The following UNC13C variants were observed in gnomAD, a reference collection of about 807,000 sequenced individuals.
UNC13C encodes unc-13 homolog C.
UNC13C carries 174 observed loss-of-function variants against 245.4 expected under a neutral mutation model. The observed-to-expected ratio is 0.71, with a 90% CI of 0.63 to 0.80. The LOEUF (loss-of-function observed/expected upper bound fraction) is 0.80. Among genes scored for constraint, UNC13C ranks in the 30% least tolerant of loss-of-function variants. The probability of loss-of-function intolerance (pLI) is 0.00; values close to 1 mark genes in which losing one functional copy is unlikely to be tolerated. For synonymous variants in UNC13C, 992 were observed against 895.1 expected (o/e 1.11, Z -1.93); for missense variants, 2,829 against 2,602.9 (o/e 1.09, Z -1.89).
chr15:54,296,391 T>TTTTTTTTTTTTTTTTTTTG (rs529076917), intron 11 of UNC13C, among the ~76,000 whole-genome samples: 24 of 137,892 alleles, frequency 1.7e-4, no homozygotes, highest in African/African-American at 6.5e-4. Flanking sequence ...TTATTTTTTT[T>TTTTTTTTTTTTTTTTTTTG]TATTTTTTAG....
At chr15:54,615,708 A>C (rs1365169031) in intron 30 of UNC13C, among the ~76,000 whole-genome samples, 1 of 151,806 alleles carries the variant, frequency 6.6e-6, no homozygotes, top group Admixed American at 6.6e-5. Flanking sequence ...TGTTTTGTTT[A>C]TTTTTCCCCA....
chr15:54,551,924 C>T (rs1896755850), intron 28 of UNC13C, among the ~76,000 whole-genome samples: 1 of 151,368 alleles, frequency 6.6e-6, no homozygotes, highest in African/African-American at 2.4e-5. Context: ...ATGTCACTCC[C>T]ATTTAAAAAA....
intron 19 of UNC13C, among the ~76,000 whole-genome samples, chr15:54,445,568 G>A (rs1333406135): frequency 1.3e-5 from 2 of 152,168 alleles, no homozygotes; most frequent in Non-Finnish European, 2.9e-5. Context: ...AATTTTTCAT[G>A]TGTCTGTTGG....
chr15:54,129,067 G>A (rs1282341393), intron 2 of UNC13C, among the ~76,000 whole-genome samples: 2 of 152,130 alleles, frequency 1.3e-5, no homozygotes, highest in Admixed American at 6.5e-5. Context: ...CTAATCTACC[G>A]TCTTCTCTCC....
At chr15:53,942,705 C>T in the UNC13C span, among the ~76,000 whole-genome samples, 1 of 152,064 alleles carries the variant, frequency 6.6e-6, no homozygotes. Context: ...ACTCTGTCAC[C>T]CAGGCTGGAG....
the UNC13C span, among the ~76,000 whole-genome samples, chr15:53,885,690 T>A: frequency 6.6e-6 from 1 of 152,166 alleles, no homozygotes; most frequent in African/African-American, 2.4e-5. Flanking sequence ...GAATCGATCA[T>A]GACCCTTATG....
At chr15:54,436,463 C>T (rs891012750) in intron 19 of UNC13C, among the ~76,000 whole-genome samples, 4 of 151,956 alleles carry the variant, frequency 2.6e-5, no homozygotes, top group African/African-American at 9.7e-5. Flanking sequence ...ACATACTACA[C>T]CATAGAATAC....
intron 19 of UNC13C, among the ~76,000 whole-genome samples, chr15:54,467,301 AT>A (rs2141036528): frequency 6.6e-6 from 1 of 151,944 alleles, no homozygotes; most frequent in East Asian, 1.9e-4. Context: ...AATGATGGCT[AT>A]TTAAATCCAA....
At chr15:54,427,833 T>C (rs1395502730) in intron 19 of UNC13C, among the ~76,000 whole-genome samples, 1 of 151,762 alleles carries the variant, frequency 6.6e-6, no homozygotes, top group Non-Finnish European at 1.5e-5. Context: ...TCATGGATTA[T>C]AATGTTGTAA....
At chr15:54,353,142 G>T (rs929457253) in intron 17 of UNC13C, among the ~76,000 whole-genome samples, 3 of 152,088 alleles carry the variant, frequency 2.0e-5, no homozygotes, top group African/African-American at 4.8e-5. Context: ...AAGAATAAGA[G>T]AAATTTCAGT....
chr15:54,555,441 A>G lies in UNC13C; in HGVS notation c.5887A>G (p.Ile1963Val), dbSNP rs1324689402. 1 of 1,612,400 alleles carries G rather than the reference A, an allele frequency of 6.2e-7. No homozygotes were observed. Among genetic ancestry groups the G allele is most frequent in the East Asian group, 2.2e-5 (1 of 44,796 alleles). The change falls in exon 29 of 33, where the codon ATT (isoleucine) becomes GTT (valine). Residue 1963 changes from isoleucine to valine, a missense_variant. Coordinates refer to ENST00000260323, the MANE Select transcript of UNC13C (RefSeq NM_001080534.3). ...GQLSKLKEHM[I>V]REDARGLTPR... Reference sequence around the variant, plus strand: ...TTCACCTGTTTTCCAGGAGCACATGATTCGAGAGGATGCCAGGGGTCTGAC... The same window carrying G: ...TTCACCTGTTTTCCAGGAGCACATGGTTCGAGAGGATGCCAGGGGTCTGAC...
At chr15:54,021,540 G>T (rs556485713) in intron 2 of UNC13C, among the ~76,000 whole-genome samples, 1 of 152,126 alleles carries the variant, frequency 6.6e-6, no homozygotes, top group East Asian at 1.9e-4. Flanking sequence ...TTTAAAGACC[G>T]TGTAGTGTTC....
chr15:54,212,345 A>C (rs1477865322), intron 4 of UNC13C, among the ~76,000 whole-genome samples: 3 of 152,076 alleles, frequency 2.0e-5, no homozygotes, highest in Non-Finnish European at 4.4e-5. Flanking sequence ...CTATTTTCAG[A>C]AACATGCCTG....
At chr15:54,357,811 A>G (rs1167082888) in intron 17 of UNC13C, among the ~76,000 whole-genome samples, 1 of 151,890 alleles carries the variant, frequency 6.6e-6, no homozygotes, top group East Asian at 1.9e-4. Context: ...GACTTACAAA[A>G]CACATTTTTC....
intron 19 of UNC13C, among the ~76,000 whole-genome samples, chr15:54,440,913 A>T (rs1163226500): frequency 6.6e-6 from 1 of 152,064 alleles, no homozygotes; most frequent in African/African-American, 2.4e-5. Context: ...ATGATTAGTG[A>T]TGTCGAGCAT....
chr15:53,957,354 A>T, the UNC13C span, among the ~76,000 whole-genome samples: 1 of 152,092 alleles, frequency 6.6e-6, no homozygotes, highest in Non-Finnish European at 1.5e-5. Context: ...GTTGGTCTCG[A>T]ACTCCTGGCC....
the UNC13C span, among the ~76,000 whole-genome samples, chr15:53,865,783 G>A: frequency 6.6e-6 from 1 of 151,926 alleles, no homozygotes. Context: ...ATATCTAAAA[G>A]TATATTTATA....
At chr15:54,518,980 GT>G (rs1201791718) in intron 24 of UNC13C, among the ~76,000 whole-genome samples, 1 of 151,924 alleles carries the variant, frequency 6.6e-6, no homozygotes, top group Non-Finnish European at 1.5e-5. Context: ...GGGGATTCCT[GT>G]TTTTTTAATG....
chr15:54,168,283 A>T (rs1180122874), intron 4 of UNC13C, among the ~76,000 whole-genome samples: 1 of 152,212 alleles, frequency 6.6e-6, no homozygotes, highest in African/African-American at 2.4e-5. Context: ...TTCTAAAAAA[A>T]TATCACTTTG....
Sources: allele counts gnomAD v4.1 joint callset (sites outside exome capture counted in the v4.1 genomes callset), GRCh38; gene constraint gnomAD v4.1.1; transcripts MANE v1.5; gene names NCBI Gene and HGNC (gene_info 2026-07-23, HGNC 2026-07-21).